ELP4: variants seen among roughly 807,000 people sequenced by gnomAD.
The protein encoded by ELP4 is elongator complex protein 4.
ELP4 carries 51 observed loss-of-function variants against 48.9 expected under a neutral mutation model. The observed-to-expected ratio is 1.04, with a 90% CI of 0.83 to 1.32. The LOEUF (loss-of-function observed/expected upper bound fraction) is 1.32. Ranked by LOEUF, ELP4 falls within the 40% of genes most tolerant of loss-of-function variation. The probability of loss-of-function intolerance (pLI) is 0.00; values close to 1 mark genes in which losing one functional copy is unlikely to be tolerated. For synonymous variants in ELP4, 210 were observed against 189.2 expected (o/e 1.11, Z -0.90); for missense variants, 519 against 514.6 (o/e 1.01, Z -0.08).
intron 7 of ELP4, among the ~76,000 whole-genome samples, chr11:31,634,995 T>C (rs1944942497): frequency 6.6e-6 from 1 of 152,002 alleles, no homozygotes; most frequent in Non-Finnish European, 1.5e-5. Context: ...CTGGCCCTAA[T>C]ACCAATTGAG....
chr11:31,592,028 A>T (rs931640257), intron 3 of ELP4, among the ~76,000 whole-genome samples: 2 of 152,196 alleles, frequency 1.3e-5, no homozygotes, highest in Admixed American at 1.3e-4. Context: ...TTCCATTTAT[A>T]GGAAATGTCC....
At chr11:31,661,507 TC>T (rs1945554175) in intron 9 of ELP4, among the ~76,000 whole-genome samples, 1 of 152,090 alleles carries the variant, frequency 6.6e-6, no homozygotes, top group Admixed American at 6.6e-5. Context: ...AAAATATCAT[TC>T]TTTTAGAGCA....
chr11:31,593,920 T>C lies in ELP4; in HGVS notation c.382-850T>C, dbSNP rs536802880. On this transcript the variant is annotated intron_variant, in intron 3 of 9. Coordinates refer to ENST00000640961, the MANE Select transcript of ELP4 (RefSeq NM_019040.5). ...TGTGTTTTGAGCTGATTTGTCGACA[T>C]GATTCTAAGCATAAGTAAATTTGAT... is the stretch of plus-strand genomic sequence containing the variant. Among the ~76,000 whole-genome samples, 7 of 152,298 alleles carry C rather than the reference T, an allele frequency of 4.6e-5. No homozygotes were observed. The South Asian group carries it at 1.5e-3, about 32-fold the overall frequency.
intron 2 of ELP4, among the ~76,000 whole-genome samples, chr11:31,529,518 A>G (rs1220311347): frequency 6.6e-6 from 1 of 152,200 alleles, no homozygotes; most frequent in African/African-American, 2.4e-5. Flanking sequence ...GTTGCTTTCA[A>G]GAAGCAGAAC....
chr11:31,762,494 T>A (rs1379700617), intron 9 of ELP4, among the ~76,000 whole-genome samples: 2 of 152,104 alleles, frequency 1.3e-5, no homozygotes, highest in African/African-American at 4.8e-5. Context: ...AAATACTTAT[T>A]AAAATAAAGA....
chr11:31,713,721 T>C (rs996827531), intron 9 of ELP4, among the ~76,000 whole-genome samples: 1 of 152,150 alleles, frequency 6.6e-6, no homozygotes, highest in Admixed American at 6.6e-5. Flanking sequence ...GCTTTACAGA[T>C]GGAAGAGTAT....
intron 9 of ELP4, among the ~76,000 whole-genome samples, chr11:31,731,563 A>C (rs970547061): frequency 9.6e-5 from 6 of 62,306 alleles, no homozygotes; most frequent in Non-Finnish European, 1.4e-4. Flanking sequence ...TACACCATTA[A>C]GCAGGTGTGT....
In ELP4 at chr11:31,741,000, C is replaced by T. The variant is rs189982484; in HGVS notation, c.1144-42393C>T. ...AATTCCCTTTCCTAGTCAAAGAAAGCGGTGACAGACGGCACCTGGAAAATC... is the reference window on the plus strand; with the variant it reads ...AATTCCCTTTCCTAGTCAAAGAAAGTGGTGACAGACGGCACCTGGAAAATC... On this transcript the variant is annotated intron_variant, in intron 9 of 9. Coordinates refer to ENST00000640961, the MANE Select transcript of ELP4 (RefSeq NM_019040.5). 9.9e-3 allele frequency among the ~76,000 whole-genome samples: 1,514 copies of T among 152,262 alleles called. 68 individuals are homozygous for T. The highest frequency in any genetic ancestry group is 0.085 in the Admixed American group (1,301 of 15,294).
At chr11:31,543,268 A>T (rs1956622698) in intron 3 of ELP4, among the ~76,000 whole-genome samples, 1 of 152,160 alleles carries the variant, frequency 6.6e-6, no homozygotes. Flanking sequence ...AAAATATGCC[A>T]CGATTCTGAG....
intron 9 of ELP4, among the ~76,000 whole-genome samples, chr11:31,680,449 T>A (rs1478791749): frequency 6.6e-6 from 1 of 152,170 alleles, no homozygotes; most frequent in Non-Finnish European, 1.5e-5. Context: ...TGCAAAATGC[T>A]ATGGCCCCAG....
chr11:31,535,889 T>C (rs1373308566), intron 2 of ELP4, among the ~76,000 whole-genome samples: 2 of 152,162 alleles, frequency 1.3e-5, no homozygotes, highest in Admixed American at 6.5e-5. Flanking sequence ...AGCATAATGT[T>C]TTTTGAGATT....
chr11:31,731,161 A>C (rs1359962511), intron 9 of ELP4, among the ~76,000 whole-genome samples: 1 of 152,148 alleles, frequency 6.6e-6, no homozygotes, highest in Non-Finnish European at 1.5e-5. Flanking sequence ...GTAGATACCA[A>C]CACAAAGTTA....
At chr11:31,585,104 C>CA (rs995841249) in intron 3 of ELP4, among the ~76,000 whole-genome samples, 1 of 151,832 alleles carries the variant, frequency 6.6e-6, no homozygotes, top group African/African-American at 2.4e-5. Context: ...TTAAATACTC[C>CA]AAAAAAATCA....
At chr11:31,745,395 C>A (rs1947562430) in intron 9 of ELP4, among the ~76,000 whole-genome samples, 2 of 152,030 alleles carry the variant, frequency 1.3e-5, no homozygotes, top group South Asian at 2.1e-4. Flanking sequence ...AACTACTTTA[C>A]AGTTCATGTG....
At chr11:31,682,090 A>T (rs1337742239) in intron 9 of ELP4, 2 of 1,264,032 alleles carry the variant, frequency 1.6e-6, no homozygotes. Context: ...GTAGATACTG[A>T]TGTTGATTTA....
chr11:31,689,167 A>T (rs1020621868), intron 9 of ELP4: 1 of 152,152 alleles, frequency 6.6e-6, no homozygotes, highest in Non-Finnish European at 1.5e-5. Context: ...CTTTACTTGA[A>T]AATAATGGAA....
intron 3 of ELP4, among the ~76,000 whole-genome samples, chr11:31,592,750 G>T (rs1957604105): frequency 6.6e-6 from 1 of 151,622 alleles, no homozygotes; most frequent in Non-Finnish European, 1.5e-5. Context: ...CGTCTATTAT[G>T]GGAATAGATA....
intron 9 of ELP4, among the ~76,000 whole-genome samples, chr11:31,744,595 C>G (rs1947535971): frequency 1.3e-5 from 2 of 152,190 alleles, no homozygotes; most frequent in African/African-American, 4.8e-5. Flanking sequence ...ATACGCAAAT[C>G]AATAAATGTA....
chr11:31,599,976 CA>C (rs1280346487), intron 4 of ELP4: 2 of 152,066 alleles, frequency 1.3e-5, no homozygotes, highest in African/African-American at 4.8e-5. Context: ...GGACAAAATG[CA>C]GTTAACATAA....
Sources: allele counts gnomAD v4.1 joint callset (sites outside exome capture counted in the v4.1 genomes callset), GRCh38; gene constraint gnomAD v4.1.1; transcripts MANE v1.5; gene names NCBI Gene and HGNC (gene_info 2026-07-23, HGNC 2026-07-21).